PBX3: variants seen among roughly 807,000 people sequenced by gnomAD.
PBX3 encodes the protein pre-B-cell leukemia transcription factor 3.
Under a neutral mutation model 48.5 loss-of-function variants are expected in PBX3, and 14 were observed. The observed-to-expected ratio is 0.29, with a 90% CI of 0.19 to 0.45. The LOEUF (loss-of-function observed/expected upper bound fraction) is 0.45, where lower values mean the gene tolerates loss of function less well. PBX3 is among the 20% of genes least tolerant of loss of function. The pLI is 1.00. For missense variants in PBX3, 386 were observed against 546.7 expected, an observed-to-expected ratio of 0.71 and a Z score of 2.93; for synonymous variants, 210 against 200.3, an observed-to-expected ratio of 1.05 and a Z score of -0.41.
chr9:125,902,080 G>GT (rs139470100), intron 2 of PBX3, among the ~76,000 whole-genome samples: 4,671 of 147,592 alleles, frequency 0.032, 96 homozygotes, highest in East Asian at 0.13. Context: ...ACAACTTGTG[G>GT]TTTTTTTTTT....
intron 5 of PBX3, among the ~76,000 whole-genome samples, chr9:125,950,482 C>CTTTTTTTTTT: frequency 7.0e-6 from 1 of 143,314 alleles, no homozygotes; most frequent in Non-Finnish European, 1.5e-5. Context: ...TTTGCAACTT[C>CTTTTTTTTTT]TTTTTTTTTT....
chr9:125,762,286 T>C (rs183531160), intron 2 of PBX3, among the ~76,000 whole-genome samples: 131 of 152,254 alleles, frequency 8.6e-4, no homozygotes, highest in African/African-American at 3.1e-3. Context: ...AGTTAACTGA[T>C]TGCAAGAAGT....
At chr9:125,761,745 G>A (rs1836673561) in intron 2 of PBX3, among the ~76,000 whole-genome samples, 1 of 152,076 alleles carries the variant, frequency 6.6e-6, no homozygotes. Context: ...ATTTCTGTAG[G>A]TTAAATTTCC....
At chr9:125,836,135 A>C (rs1839126379) in intron 2 of PBX3, among the ~76,000 whole-genome samples, 1 of 152,164 alleles carries the variant, frequency 6.6e-6, no homozygotes, top group African/African-American at 2.4e-5. Context: ...GTTCTCACTG[A>C]TAAGTGGAAG....
intron 3 of PBX3, 129 bp downstream of exon 3, chr9:125,916,056 C>T (rs1030219296): frequency 7.6e-7 from 1 of 1,312,084 alleles, no homozygotes; most frequent in East Asian, 2.4e-5. Flanking sequence ...AAGGTCAGTG[C>T]AAAAATCCAA....
chr9:125,779,931 C>T (rs1344338457), intron 2 of PBX3, among the ~76,000 whole-genome samples: 48 of 111,534 alleles, frequency 4.3e-4, no homozygotes, highest in Non-Finnish European at 4.6e-4. Flanking sequence ...TCTGGCCGGG[C>T]GGGGGGCTGA....
At chr9:125,882,008 C>T (rs1267146044) in intron 2 of PBX3, among the ~76,000 whole-genome samples, 4 of 151,606 alleles carry the variant, frequency 2.6e-5, no homozygotes, top group Admixed American at 2.6e-4. Flanking sequence ...CGAGACCAGG[C>T]TGGGCAACAT....
chr9:125,891,926 T>C (rs1408829516), intron 2 of PBX3, among the ~76,000 whole-genome samples: 2 of 152,194 alleles, frequency 1.3e-5, no homozygotes, highest in Non-Finnish European at 2.9e-5. Flanking sequence ...TATTTTATTT[T>C]ATTAATTTTT....
At chr9:125,835,185 AGGCACAGTTCTAG>A (rs1839096998) in intron 2 of PBX3, among the ~76,000 whole-genome samples, 1 of 152,138 alleles carries the variant, frequency 6.6e-6, no homozygotes, top group Non-Finnish European at 1.5e-5. Flanking sequence ...ACTATGTGCC[AGGCACAGTTCTAG>A]GCATCTCATA....
At chr9:125,921,688 A>G (rs1181986148) in intron 3 of PBX3, among the ~76,000 whole-genome samples, 1 of 152,164 alleles carries the variant, frequency 6.6e-6, no homozygotes, top group Non-Finnish European at 1.5e-5. Context: ...TAGAATCTTT[A>G]AATGCAGACT....
intron 2 of PBX3, among the ~76,000 whole-genome samples, chr9:125,869,313 C>T (rs1240257227): frequency 6.6e-6 from 1 of 151,808 alleles, no homozygotes; most frequent in Non-Finnish European, 1.5e-5. Flanking sequence ...ATTTATGGTT[C>T]CAGAAATAAA....
rs1837579958 is a variant in PBX3, at chr9:125,790,793, CT to C, written c.274+42171del. On this transcript the variant is annotated intron_variant, in intron 2 of 8. Coordinates refer to ENST00000373489, the MANE Select transcript of PBX3 (RefSeq NM_006195.6). ...TGTTGCCCGGACTGGTCTTGAACTTCTGGCCTGGAGTGATCCTCTCAAAGTG... is the reference window on the plus strand; with the variant it reads ...TGTTGCCCGGACTGGTCTTGAACTTCGGCCTGGAGTGATCCTCTCAAAGTG... Among the ~76,000 whole-genome samples, 7 of 152,116 alleles carry C rather than the reference CT, an allele frequency of 4.6e-5. No homozygotes were observed. In the South Asian group the frequency reaches 1.5e-3, roughly 32 times the overall value.
intron 2 of PBX3, among the ~76,000 whole-genome samples, chr9:125,753,586 A>G (rs948781068): frequency 6.6e-6 from 1 of 152,098 alleles, no homozygotes; most frequent in Non-Finnish European, 1.5e-5. Context: ...TCTTGTCAAT[A>G]CTAACTTGAT....
chr9:125,867,330 G>C (rs1056143790), intron 2 of PBX3, among the ~76,000 whole-genome samples: 3 of 152,044 alleles, frequency 2.0e-5, no homozygotes, highest in Non-Finnish European at 4.4e-5. Flanking sequence ...AACTATTCAA[G>C]TGTAAAACCA....
chr9:125,842,734 T>A (rs1327044634), intron 2 of PBX3, among the ~76,000 whole-genome samples: 1 of 152,190 alleles, frequency 6.6e-6, no homozygotes, highest in Non-Finnish European at 1.5e-5. Context: ...TTGCTGGGCC[T>A]CATCCATGCC....
At chr9:125,849,061 C>G (rs1473501220) in intron 2 of PBX3, among the ~76,000 whole-genome samples, 1 of 151,816 alleles carries the variant, frequency 6.6e-6, no homozygotes, top group Non-Finnish European at 1.5e-5. Flanking sequence ...TTTCTGTTTT[C>G]TTTAGTGAAA....
Position 125,935,843 on chromosome 9 carries a change from C to G in PBX3, c.843+236C>G, listed in dbSNP as rs541852665. Among the ~76,000 whole-genome samples the G allele has an allele frequency of 3.3e-5, 5 of 152,274 alleles. No individual in the cohort carries two copies. In the East Asian group the frequency reaches 9.6e-4, roughly 29 times the overall value. On this transcript the variant is annotated intron_variant, in intron 5 of 8. Transcript: ENST00000373489. Reference sequence around the variant, plus strand: ...ACCCCCATTCCCCAGTGTAAATCTTCTCTAGAGAGGACATAAACATGCCAT... The same window carrying G: ...ACCCCCATTCCCCAGTGTAAATCTTGTCTAGAGAGGACATAAACATGCCAT...
intron 2 of PBX3, among the ~76,000 whole-genome samples, chr9:125,786,140 G>A (rs1033208096): frequency 5.9e-5 from 9 of 152,178 alleles, no homozygotes; most frequent in Non-Finnish European, 1.3e-4. Context: ...AATATGTTGA[G>A]TTTGAGGTAC....
intron 2 of PBX3, among the ~76,000 whole-genome samples, chr9:125,900,112 T>C (rs1564164016): frequency 6.6e-6 from 1 of 151,560 alleles, no homozygotes. Context: ...TTTGGGTGAG[T>C]CAAATAGTGA....
Sources: allele counts gnomAD v4.1 joint callset (sites outside exome capture counted in the v4.1 genomes callset), GRCh38; gene constraint gnomAD v4.1.1; transcripts MANE v1.5; gene names NCBI Gene and HGNC (gene_info 2026-07-23, HGNC 2026-07-21).